ACSM3: variants seen among roughly 807,000 people sequenced by gnomAD.
The protein encoded by ACSM3 is acyl-CoA synthetase medium chain family member 3.
A neutral mutation model predicts 74.1 loss-of-function variants in ACSM3; 61 were observed. The observed-to-expected ratio is 0.82, with a 90% CI of 0.67 to 1.02. The LOEUF (loss-of-function observed/expected upper bound fraction) is 1.02, where lower values mean the gene tolerates loss of function less well. ACSM3 is among the 50% of genes least tolerant of loss of function. The pLI is 0.00. For missense variants in ACSM3, 660 were observed against 697.0 expected (o/e 0.95, Z 0.60); for synonymous variants, 213 against 241.5 (o/e 0.88, Z 1.09).
intron 1 of ACSM3, among the ~76,000 whole-genome samples, chr16:20,691,423 G>A (rs970002278): frequency 6.6e-5 from 10 of 152,134 alleles, no homozygotes; most frequent in Non-Finnish European, 1.3e-4. Context: ...GGCAGAAAAC[G>A]CTGGGGAGGT....
At chr16:20,728,553 C>T in intron 1 of ACSM3, 1 of 578,952 alleles carries the variant, frequency 1.7e-6, no homozygotes, top group South Asian at 2.2e-5. Flanking sequence ...TCATTTCCAC[C>T]ATGTCTTGCT....
intron 10 of ACSM3, chr16:20,791,018 C>T: frequency 7.0e-7 from 1 of 1,421,880 alleles, no homozygotes; most frequent in Non-Finnish European, 9.7e-7. Flanking sequence ...CCAGTTAGTG[C>T]TCTTTCTTTT....
intron 1 of ACSM3, chr16:20,731,673 G>T (rs1488399769): frequency 2.0e-5 from 8 of 403,010 alleles, no homozygotes; most frequent in Non-Finnish European, 3.6e-5. Context: ...ACAGCCTAGA[G>T]AAATTAACTC....
chr16:20,712,438 C>T (rs1014985032), intron 1 of ACSM3, among the ~76,000 whole-genome samples: 1 of 152,114 alleles, frequency 6.6e-6, no homozygotes, highest in Admixed American at 6.5e-5. Flanking sequence ...GAAATCACAA[C>T]TACAGTTTTC....
chr16:20,786,179 G>A (rs770502669), intron 9 of ACSM3, 21 bp downstream of exon 9: 15 of 1,607,316 alleles, frequency 9.3e-6, no homozygotes, highest in South Asian at 5.5e-5. Flanking sequence ...CCCCTTCCAG[G>A]AGAATGTTTA....
At chr16:20,691,264 T>G in intron 1 of ACSM3, 1 of 1,248,672 alleles carries the variant, frequency 8.0e-7, no homozygotes, top group Non-Finnish European at 1.1e-6. Context: ...GCTAATAGAT[T>G]GGCTGTGTAT....
intron 1 of ACSM3, among the ~76,000 whole-genome samples, chr16:20,765,142 C>T (rs2080112361): frequency 1.3e-5 from 2 of 152,194 alleles, no homozygotes; most frequent in South Asian, 4.1e-4. Flanking sequence ...AGAAGCCTAT[C>T]TGACCAGGGG....
chr16:20,738,573 AC>A lies in ACSM3; in HGVS notation c.-189-11335del, dbSNP rs1377582245. 3.9e-5 allele frequency among the ~76,000 whole-genome samples: 6 copies of A among 152,324 alleles called. No homozygotes were observed. In the East Asian group the frequency reaches 5.8e-4, roughly 15 times the overall value. On this transcript the variant is annotated intron_variant, in intron 1 of 3. Transcript: ENST00000561584. The stretch of plus-strand genomic sequence containing the variant: ...CAAACTTCTTTTGAGAAATTCAAAT[AC>A]CTGGCCCTGCATTCCCAAAGAGCAA...
intron 1 of ACSM3, chr16:20,729,594 T>C (rs939072172): frequency 1.5e-5 from 5 of 332,306 alleles, no homozygotes; most frequent in South Asian, 3.4e-5. Flanking sequence ...CTTTATATTT[T>C]TGAGTTCTGT....
At chr16:20,710,021 A>G (rs2152375323) in intron 1 of ACSM3, among the ~76,000 whole-genome samples, 1 of 152,342 alleles carries the variant, frequency 6.6e-6, no homozygotes, top group Admixed American at 6.5e-5. Context: ...ACTCCACTTT[A>G]TTCCCAATAA....
intron 2 of ACSM3, among the ~76,000 whole-genome samples, chr16:20,773,660 A>G (rs1054383289): frequency 1.3e-5 from 2 of 150,150 alleles, no homozygotes; most frequent in African/African-American, 5.1e-5. Flanking sequence ...GTATTTGTAC[A>G]GTTTTCCAAA....
chr16:20,785,499 C>T (rs897352162), intron 8 of ACSM3, among the ~76,000 whole-genome samples: 1 of 151,840 alleles, frequency 6.6e-6, no homozygotes, highest in Non-Finnish European at 1.5e-5. Flanking sequence ...AACTCCTTAG[C>T]AACCATACTC....
chr16:20,716,419 C>T (rs1378494238), intron 1 of ACSM3, among the ~76,000 whole-genome samples: 1 of 152,094 alleles, frequency 6.6e-6, no homozygotes, highest in Non-Finnish European at 1.5e-5. Context: ...TGCCACACCA[C>T]AAATCTAAGC....
intron 9 of ACSM3, among the ~76,000 whole-genome samples, chr16:20,786,926 A>C (rs1029612724): frequency 2.0e-5 from 3 of 152,126 alleles, no homozygotes; most frequent in Admixed American, 1.3e-4. Context: ...GAGCGGGTCA[A>C]CTAGGCCCGA....
rs1362756299 is a variant in ACSM3 at position 20,784,990 on chromosome 16, G to A, written c.1026G>A (p.Lys342=). The A allele has an allele frequency of 1.9e-6, 3 of 1,611,882 alleles. No individual in the cohort carries two copies. Among genetic ancestry groups the A allele is most frequent in the South Asian group, 2.2e-5 (2 of 90,826 alleles). ...MLVQNDITSY[K]FKSLKHCVSA... ...TATCTGGTTTTCTGAGAAGCTATAA[G>A]TTTAAAAGCTTAAAGCACTGTGTGA... is the stretch of plus-strand genomic sequence containing the variant. The change falls in exon 8 of 14, where the codon AAG becomes AAA. Residue 342 remains lysine (K), a synonymous_variant. Transcript: ENST00000289416.
chr16:20,683,633 G>A (rs1485006545), intron 1 of ACSM3, among the ~76,000 whole-genome samples: 1 of 132,900 alleles, frequency 7.5e-6, no homozygotes, highest in Non-Finnish European at 1.6e-5. Flanking sequence ...AGCCCAGAGG[G>A]CTCAGCTCAA....
At chr16:20,689,487 A>G (rs2152332746) in intron 1 of ACSM3, among the ~76,000 whole-genome samples, 1 of 152,278 alleles carries the variant, frequency 6.6e-6, no homozygotes, top group East Asian at 1.9e-4. Context: ...TAAGTGGACT[A>G]AACTCCCCAG....
At chr16:20,795,200 T>G (rs1223392097) in intron 12 of ACSM3, among the ~76,000 whole-genome samples, 1 of 152,204 alleles carries the variant, frequency 6.6e-6, no homozygotes, top group East Asian at 1.9e-4. Flanking sequence ...TTGTTTTTTT[T>G]CTTAGAGACA....
chr16:20,701,619 C>T (rs918800658), intron 1 of ACSM3, among the ~76,000 whole-genome samples: 2 of 152,138 alleles, frequency 1.3e-5, no homozygotes, highest in Admixed American at 6.5e-5. Flanking sequence ...TGGTTTGCCG[C>T]ACCTATCAAT....
Sources: gnomAD v4.1 joint callset for allele counts (sites outside exome capture counted in the v4.1 genomes callset) on GRCh38, gnomAD v4.1.1 for gene constraint, MANE v1.5 for transcripts, NCBI Gene and HGNC (gene_info 2026-07-23, HGNC 2026-07-21) for gene names.